Variants in VPS13C observed in about 807,000 individuals in gnomAD.
The protein encoded by VPS13C is intermembrane lipid transfer protein VPS13C.
In VPS13C, 358 loss-of-function variants were observed where a neutral mutation model predicts 456.8. The ratio of observed to expected loss-of-function variants is 0.78; its 90% CI spans 0.72 to 0.86. VPS13C has a LOEUF of 0.86. Ranked by LOEUF, VPS13C falls within the 40% of genes least tolerant of loss-of-function variation. The pLI is 0.00. For synonymous variants in VPS13C, 1,578 were observed against 1,486.7 expected, an observed-to-expected ratio of 1.06 and a Z score of -1.41; for missense variants, 4,818 against 4,385.4, an observed-to-expected ratio of 1.10 and a Z score of -2.79.
chr15:61,866,229 T>C (rs1894581117), intron 81 of VPS13C: 4 of 984,884 alleles, frequency 4.1e-6, no homozygotes, highest in Admixed American at 6.2e-5. Context: ...CATTAGTGTA[T>C]AATCATTCTT....
chr15:61,858,880 T>C lies in VPS13C; in HGVS notation c.10953-2471A>G, dbSNP rs1991205. The stretch of plus-strand genomic sequence containing the variant: ...TAATTTGTTGTGCAGCAATACAAAA[T>C]GTATACAGTCTCTAACTGGTCTCCT... On this transcript the variant is annotated intron_variant, in intron 82 of 84. Coordinates refer to ENST00000644861, the MANE Select transcript of VPS13C (RefSeq NM_020821.3). The surrounding 1 kb of genome is among the most constrained non-coding windows in gnomAD (Gnocchi z 4.4). Among the ~76,000 whole-genome samples, 82,776 of 152,010 alleles carry C rather than the reference T, an allele frequency of 0.54. 22,842 individuals are homozygous for C. Among genetic ancestry groups the C allele is most frequent in the Admixed American group, 0.62 (9,480 of 15,262 alleles).
intron 1 of VPS13C, among the ~76,000 whole-genome samples, chr15:62,049,776 A>C (rs937569261): frequency 2.2e-4 from 34 of 152,124 alleles, no homozygotes; most frequent in African/African-American, 6.7e-4. Context: ...CTTTTATTTC[A>C]TTGAGCAGTG....
intron 31 of VPS13C, among the ~76,000 whole-genome samples, chr15:61,964,202 C>G (rs984557335): frequency 6.6e-6 from 1 of 151,750 alleles, no homozygotes; most frequent in Non-Finnish European, 1.5e-5. Context: ...GACACTGAAC[C>G]TCAGAAAAGT....
At chr15:61,946,859 A>C (rs1485597671) in intron 43 of VPS13C, among the ~76,000 whole-genome samples, 1 of 152,064 alleles carries the variant, frequency 6.6e-6, no homozygotes, top group Non-Finnish European at 1.5e-5. Flanking sequence ...TTACTTGATG[A>C]ATAGTCTTAC....
intron 18 of VPS13C, among the ~76,000 whole-genome samples, chr15:61,989,826 C>T (rs1016277197): frequency 5.3e-5 from 8 of 152,148 alleles, no homozygotes; most frequent in African/African-American, 1.9e-4. Context: ...TAATTATCCT[C>T]GCATACTGAT....
At chr15:61,885,817 AAATATT>A (rs1382569795) in intron 67 of VPS13C, among the ~76,000 whole-genome samples, 1 of 152,102 alleles carries the variant, frequency 6.6e-6, no homozygotes, top group East Asian at 1.9e-4. Flanking sequence ...GCTGGTTTGA[AAATATT>A]CTCACCTGTA....
chr15:61,897,376 A>C (rs1398034303), intron 66 of VPS13C, among the ~76,000 whole-genome samples: 1 of 152,188 alleles, frequency 6.6e-6, no homozygotes, highest in Non-Finnish European at 1.5e-5. Flanking sequence ...AGAATGTATA[A>C]CTAGAATAAC....
In VPS13C at chr15:61,983,859, C is replaced by G. The variant is rs756433589; in HGVS notation, c.1875G>C (p.Leu625=). 20 of 1,614,110 alleles carry G rather than the reference C, an allele frequency of 1.2e-5. No homozygotes were observed. The Admixed American group carries it at 1.7e-4, about 13-fold the overall frequency. The change falls in exon 20 of 85, where the codon CTG becomes CTC. Residue 625 remains leucine (L), a synonymous_variant. Transcript: ENST00000644861. ...CCTCCACAGGCTGGGACTGAACAAT[C>G]AGAGTCTGGTCAGCAGGACTATCCT... is the stretch of plus-strand genomic sequence containing the variant. ...NPEDSPADQT[L]IVQSQPVEVI...
intron 75 of VPS13C, among the ~76,000 whole-genome samples, chr15:61,876,326 G>A (rs919367043): frequency 6.6e-6 from 1 of 151,770 alleles, no homozygotes; most frequent in Non-Finnish European, 1.5e-5. Flanking sequence ...GGGTGAGTAT[G>A]CATATTAAAT....
chr15:62,021,733 G>A (rs1033364131), intron 8 of VPS13C, among the ~76,000 whole-genome samples: 1 of 151,816 alleles, frequency 6.6e-6, no homozygotes, highest in African/African-American at 2.4e-5. Flanking sequence ...ATTAACATCA[G>A]ATATACAATG....
chr15:61,927,691 T>C (rs2043904289), intron 51 of VPS13C, among the ~76,000 whole-genome samples: 1 of 152,196 alleles, frequency 6.6e-6, no homozygotes, highest in Non-Finnish European at 1.5e-5. Flanking sequence ...ATCCCATTAC[T>C]GGGTACATAC....
chr15:61,939,294 C>T (rs2044334007), intron 47 of VPS13C, among the ~76,000 whole-genome samples: 1 of 152,080 alleles, frequency 6.6e-6, no homozygotes, highest in African/African-American at 2.4e-5. Context: ...AAGAAGGTAC[C>T]CATACTCTGG....
rs183024252 is a variant in VPS13C at position 61,916,308 on chromosome 15, G to A, written c.8056-286C>T. Among the ~76,000 whole-genome samples, 585 of 152,266 alleles carry A rather than the reference G, an allele frequency of 3.8e-3. 4 individuals carry two copies. The highest frequency in any genetic ancestry group is 0.013 in the African/African-American group (550 of 41,540). ...ATCAAGAGTCAAAGACTAGATTCAG[G>A]AAGCCTGGCTGTTGTCCATTAGAGC... On this transcript the variant is annotated intron_variant, in intron 60 of 84. Coordinates refer to ENST00000644861, the MANE Select transcript of VPS13C (RefSeq NM_020821.3).
intron 18 of VPS13C, among the ~76,000 whole-genome samples, chr15:61,990,167 A>C (rs533154038): frequency 1.3e-5 from 2 of 152,202 alleles, no homozygotes; most frequent in Non-Finnish European, 2.9e-5. Flanking sequence ...AAGATTAAAA[A>C]TATGCAAAAC....
intron 21 of VPS13C, 86 bp downstream of exon 21, chr15:61,982,373 A>G (rs933682339): frequency 1.4e-5 from 14 of 979,472 alleles, no homozygotes; most frequent in Non-Finnish European, 2.1e-5. Flanking sequence ...AAAAAGCAAC[A>G]TAATATTTTG....
At chr15:62,014,584 A>C (rs1184149458) in intron 9 of VPS13C, among the ~76,000 whole-genome samples, 1 of 152,152 alleles carries the variant, frequency 6.6e-6, no homozygotes, top group East Asian at 1.9e-4. Context: ...TTGCAAAGAA[A>C]AATAAATGGT....
chr15:61,894,954 T>C (rs569208344), intron 66 of VPS13C, among the ~76,000 whole-genome samples: 1 of 152,270 alleles, frequency 6.6e-6, no homozygotes, highest in Admixed American at 6.5e-5. Flanking sequence ...CATCTGCACA[T>C]GGCCCATATG....
Position 62,033,344 on chromosome 15 carries a change from TCAACTTATGAAGGCTTAC to T in VPS13C, c.385+79_385+96del, listed in dbSNP as rs1440211852. Reference sequence around the variant, plus strand: ...AAAAAAAAATTATGTCTTTAGAACTTCAACTTATGAAGGCTTACAAAAGCATCCTCTTTAAAGGATATT... The same window carrying T: ...AAAAAAAAATTATGTCTTTAGAACTTAAAAGCATCCTCTTTAAAGGATATT... On this transcript the variant is annotated intron_variant, in intron 5 of 84. Transcript: ENST00000644861. The T allele has an allele frequency of 2.6e-5, 18 of 690,642 alleles. No homozygotes were observed. The African/African-American group carries it at 3.2e-4, about 12-fold the overall frequency. 42.8% of individuals were successfully genotyped at this position (690,642 alleles called of 1,614,324 possible).
chr15:61,884,031 T>C, intron 68 of VPS13C, 97 bp downstream of exon 68: 1 of 1,153,380 alleles, frequency 8.7e-7, no homozygotes, highest in Non-Finnish European at 1.2e-6. Flanking sequence ...ATAAGTTCAT[T>C]TCTGCACATG....
Sources: gnomAD v4.1 joint callset for allele counts (sites outside exome capture counted in the v4.1 genomes callset) on GRCh38, gnomAD v4.1.1 for gene constraint, Gnocchi (gnomAD v3.1) non-coding constraint, MANE v1.5 for transcripts, NCBI Gene and HGNC (gene_info 2026-07-23, HGNC 2026-07-21) for gene names.